The following DPP8 variants were observed in gnomAD, a reference collection of about 807,000 sequenced individuals.
The protein encoded by DPP8 is DPP VIII.
In DPP8, 31 loss-of-function variants were observed where a neutral mutation model predicts 107.5. That is an observed-to-expected ratio of 0.29 (90% CI 0.22 to 0.39). The LOEUF is 0.39. Among genes scored for constraint, DPP8 ranks in the 10% least tolerant of loss-of-function variants. The probability of loss-of-function intolerance (pLI) is 1.00; values close to 1 mark genes in which losing one functional copy is unlikely to be tolerated. For synonymous variants in DPP8, 381 were observed against 356.6 expected, an observed-to-expected ratio of 1.07 and a Z score of -0.77; for missense variants, 842 against 1,076.1, an observed-to-expected ratio of 0.78 and a Z score of 3.04.
intron 12 of DPP8, among the ~76,000 whole-genome samples, chr15:65,468,974 G>C (rs186306199): frequency 6.0e-4 from 91 of 152,176 alleles, no homozygotes; most frequent in Middle Eastern, 3.4e-3. Flanking sequence ...CTAAGAATGT[G>C]CATTTCTTTT....
rs930348859 is a variant in DPP8 at position 65,442,844 on chromosome 15, G to C, written c.*4040C>G. On this transcript the variant is annotated 3_prime_UTR_variant, in exon 20 of 20. Coordinates refer to ENST00000300141, the MANE Select transcript of DPP8 (RefSeq NM_130434.5). ...TGGCTAGGTGAGGCTGGGAAGGTGG[G>C]AATCAAAAAAGTTTCCTTTTTCCTT... is the stretch of plus-strand genomic sequence containing the variant. The C allele has an allele frequency of 6.6e-6, 1 of 152,144 alleles. No individual in the cohort carries two copies. The highest frequency in any genetic ancestry group is 1.5e-5 in the Non-Finnish European group (1 of 68,032). The allele number at this position is 152,144 out of a possible 1,614,324, so 9.4% of individuals were successfully genotyped here.
At position 65,451,037 on chromosome 15, in the gene DPP8, T is replaced by C. The variant is rs1484286641; in HGVS notation, c.2488A>G (p.Ser830Gly). The C allele has an allele frequency of 1.9e-6, 3 of 1,611,220 alleles. No individual in the cohort carries two copies. The highest frequency in any genetic ancestry group is 2.5e-6 in the Non-Finnish European group (3 of 1,178,198). Residue 830 changes from serine to glycine, a missense_variant, in exon 19 of 20, where the codon AGT becomes GGT. Ser to Gly is a moderately conservative substitution (Grantham distance 56). This residue lies in a region of DPP8 where 179 missense variants were observed against 318.0 expected (regional missense o/e 0.56). Coordinates refer to ENST00000300141, the MANE Select transcript of DPP8 (RefSeq NM_130434.5). Reference sequence around the variant, plus strand: ...GGCTTTCCAGCCCTCACTAAAAAACTCAGTAATATACTGGTATGTGCAAAA... The same window carrying C: ...GGCTTTCCAGCCCTCACTAAAAAACCCAGTAATATACTGGTATGTGCAAAA... ...VHFAHTSILL[S>G]FLVRAGKPYD... is the part of the protein sequence containing the mutation.
chr15:65,480,078 C>A, intron 10 of DPP8, 144 bp downstream of exon 10: 1 of 644,018 alleles, frequency 1.6e-6, no homozygotes, highest in Non-Finnish European at 2.6e-6. Context: ...GGAACCATCA[C>A]TCCAATTGGA....
In DPP8 at chr15:65,480,310, ACAT is replaced by A. The variant is rs755566640; in HGVS notation, c.1205_1207del (p.Asp402del). 6.2e-7 allele frequency: 1 copy of A among 1,613,824 alleles called. No individual in the cohort carries two copies. The highest frequency in any genetic ancestry group is 8.5e-7 in the Non-Finnish European group (1 of 1,179,900). ...CTCAATGAGTCTCTGCCTTTCCATA[ACAT>A]CATCTTCTACTGGGATAAATAATTC... On this transcript the variant is annotated inframe_deletion, in exon 10 of 20. Transcript: ENST00000300141.
chr15:65,480,944 A>C lies in DPP8; in HGVS notation c.1119-545T>G, dbSNP rs138708218. On this transcript the variant is annotated intron_variant, in intron 9 of 19. Coordinates refer to ENST00000300141, the MANE Select transcript of DPP8 (RefSeq NM_130434.5). Reference sequence around the variant, plus strand: ...GACCTTGTCTCTACAAAAAATAAAAAAAATTAGCTGGACATGGTGGCATGT... The same window carrying C: ...GACCTTGTCTCTACAAAAAATAAAACAAATTAGCTGGACATGGTGGCATGT... 2.4e-3 allele frequency among the ~76,000 whole-genome samples: 373 copies of C among 152,276 alleles called. 2 individuals carry two copies. The highest frequency in any genetic ancestry group is 0.02 in the Middle Eastern group (6 of 294).
chr15:65,467,951 T>C (rs1419854064), intron 12 of DPP8, among the ~76,000 whole-genome samples: 4 of 152,220 alleles, frequency 2.6e-5, no homozygotes, highest in African/African-American at 9.6e-5. Flanking sequence ...TTTGGTCTTT[T>C]GTACAAATTT....
intron 1 of DPP8, 83 bp from the exon 2 acceptor site, chr15:65,512,647 C>T (rs953629117): frequency 4.7e-6 from 7 of 1,486,162 alleles, no homozygotes; most frequent in African/African-American, 2.8e-5. Context: ...AAAAAAAAAG[C>T]GGGGGAGTGG....
chr15:65,512,045 G>A lies in DPP8; in HGVS notation c.259+250C>T, dbSNP rs138688581. The A allele has an allele frequency of 5.0e-4, 315 of 627,016 alleles. 1 individual carries two copies. In the African/African-American group the frequency reaches 5.2e-3, roughly 10 times the overall value. 38.8% of individuals were successfully genotyped at this position (627,016 alleles called of 1,614,324 possible). A position where few individuals can be genotyped will look rare whatever the true frequency, so the allele number is the denominator to read the frequency against. ...GAAAGGCATTTCAAGCTAGCTTTAG[G>A]AAGAAGCAATTTCTGGCATCTTCGA... is the stretch of plus-strand genomic sequence containing the variant. On this transcript the variant is annotated intron_variant, in intron 2 of 19. Transcript: ENST00000300141.
rs1318938871 is a variant in DPP8, at chr15:65,485,003, G to C, written c.1017+96C>G. The stretch of plus-strand genomic sequence containing the variant: ...ATCCACCGATATCTCAGCAAGTTCA[G>C]CAAGTCCAAAAATAAAAAAGTGTAT... On this transcript the variant is annotated intron_variant, in intron 8 of 19. Coordinates refer to ENST00000300141, the MANE Select transcript of DPP8 (RefSeq NM_130434.5). 7.3e-6 allele frequency: 7 copies of C among 962,982 alleles called. No homozygotes were observed. The African/African-American group carries it at 1.2e-4, about 16-fold the overall frequency. The allele number at this position is 962,982 out of a possible 1,614,324, so 59.7% of individuals were successfully genotyped here. A position where few individuals can be genotyped will look rare whatever the true frequency, so the allele number is the denominator to read the frequency against.
chr15:65,500,832 CT>C, intron 3 of DPP8, 53 bp from the exon 4 acceptor site: 1 of 1,270,744 alleles, frequency 7.9e-7, no homozygotes, highest in Non-Finnish European at 1.1e-6. Flanking sequence ...CCATCTTTTG[CT>C]TTTAGCACTG....
At chr15:65,495,315 C>T (rs1179881956) in intron 5 of DPP8, among the ~76,000 whole-genome samples, 2 of 152,086 alleles carry the variant, frequency 1.3e-5, no homozygotes, top group Non-Finnish European at 1.5e-5. Flanking sequence ...CTTATAAAAC[C>T]CTATGTCTGG....
intron 19 of DPP8, 79 bp from the exon 20 acceptor site, chr15:65,447,085 T>C (rs561066952): frequency 2.6e-6 from 3 of 1,146,794 alleles, no homozygotes; most frequent in African/African-American, 1.6e-5. Flanking sequence ...TTTCCAGAGA[T>C]TTTTAACAGG....
intron 5 of DPP8, among the ~76,000 whole-genome samples, chr15:65,491,604 A>C (rs1289019833): frequency 6.6e-6 from 1 of 152,196 alleles, no homozygotes; most frequent in Non-Finnish European, 1.5e-5. Flanking sequence ...TTGAGTTTCA[A>C]TATTGTTACA....
intron 4 of DPP8, among the ~76,000 whole-genome samples, chr15:65,500,397 A>G (rs935493843): frequency 3.3e-5 from 5 of 152,024 alleles, no homozygotes; most frequent in Non-Finnish European, 7.4e-5. Flanking sequence ...CAGCCTGGGC[A>G]ACAACAGTGA....
chr15:65,486,281 A>G (rs1286080411), intron 7 of DPP8, among the ~76,000 whole-genome samples: 1 of 151,618 alleles, frequency 6.6e-6, no homozygotes, highest in Non-Finnish European at 1.5e-5. Flanking sequence ...GGGCGCCTGT[A>G]ATCCCAGCTA....
intron 10 of DPP8, among the ~76,000 whole-genome samples, chr15:65,479,790 GC>G (rs1311436185): frequency 6.8e-6 from 1 of 146,554 alleles, no homozygotes; most frequent in Non-Finnish European, 1.5e-5. Flanking sequence ...CTTGCAGTGA[GC>G]CGAGATTGCA....
At chr15:65,475,210 C>A in intron 11 of DPP8, 4 of 471,382 alleles carry the variant, frequency 8.5e-6, no homozygotes, top group Non-Finnish European at 1.6e-5. Flanking sequence ...TGCCAGGATA[C>A]TCCCCCTCCC....
At chr15:65,478,822 C>T in intron 11 of DPP8, 58 bp downstream of exon 11, 1 of 1,209,968 alleles carries the variant, frequency 8.3e-7, no homozygotes, top group Non-Finnish European at 1.2e-6. Flanking sequence ...TTCCCCTGTC[C>T]CTCCCACCTT....
Position 65,508,365 on chromosome 15 carries a change from T to C in DPP8, c.260-1010A>G, listed in dbSNP as rs149751402. Reference sequence around the variant, plus strand: ...CTGCTGAAAATCTCTTTGTCCTTTATTGGGGAAGGGCAAAGGAAAAAGGTC... The same window carrying C: ...CTGCTGAAAATCTCTTTGTCCTTTACTGGGGAAGGGCAAAGGAAAAAGGTC... On this transcript the variant is annotated intron_variant, in intron 2 of 19. Coordinates refer to ENST00000300141, the MANE Select transcript of DPP8 (RefSeq NM_130434.5). Among the ~76,000 whole-genome samples the C allele has an allele frequency of 1.1e-3, 170 of 152,290 alleles. 1 individual carries two copies. Among genetic ancestry groups the C allele is most frequent in the Admixed American group, 2.7e-3 (41 of 15,290 alleles).
Sources: allele counts gnomAD v4.1 joint callset (sites outside exome capture counted in the v4.1 genomes callset), GRCh38; gene constraint gnomAD v4.1.1; regional missense constraint gnomAD v4.1.1; transcripts MANE v1.5; gene names NCBI Gene and HGNC (gene_info 2026-07-23, HGNC 2026-07-21).